The following NTAQ1 variants were observed in gnomAD, a reference collection of about 807,000 sequenced individuals.
NTAQ1 encodes the protein protein N-terminal glutamine amidohydrolase.
Under a neutral mutation model 28.2 loss-of-function variants are expected in NTAQ1, and 21 were observed. The ratio of observed to expected loss-of-function variants is 0.74; its 90% CI spans 0.53 to 1.07. NTAQ1 has a LOEUF of 1.07. NTAQ1 is among the 50% of genes least tolerant of loss of function. The probability of loss-of-function intolerance (pLI) is 0.00; values close to 1 mark genes in which losing one functional copy is unlikely to be tolerated. For synonymous variants in NTAQ1, 105 were observed against 90.0 expected, an observed-to-expected ratio of 1.17 and a Z score of -0.94; for missense variants, 264 against 256.6, an observed-to-expected ratio of 1.03 and a Z score of -0.20.
downstream of NTAQ1, among the ~76,000 whole-genome samples, chr8:123,472,395 TA>T (rs1816050747): frequency 6.6e-6 from 1 of 152,170 alleles, no homozygotes; most frequent in African/African-American, 2.4e-5. Flanking sequence ...AAAGCAACAG[TA>T]ATATATTGTC....
At chr8:123,433,824 C>T (rs974016302) in intron 3 of NTAQ1, among the ~76,000 whole-genome samples, 1 of 152,198 alleles carries the variant, frequency 6.6e-6, no homozygotes, top group South Asian at 2.1e-4. Flanking sequence ...CCAAGCTTGT[C>T]TAACCTGCAG....
intron 6 of NTAQ1, among the ~76,000 whole-genome samples, chr8:123,458,872 G>A (rs535420002): frequency 2.9e-4 from 44 of 152,080 alleles, no homozygotes; most frequent in African/African-American, 9.6e-4. Flanking sequence ...CACCCGCCTC[G>A]GCCTCCCAAA....
At position 123,461,719 on chromosome 8, in the gene NTAQ1, G is replaced by A. The variant is rs112686377; in HGVS notation, c.373-5360G>A. ...TATATTCAAGAACAGCAGGAACTGTGTCTTTCAGCGAGTAGATGCTTAATA... is the reference window on the plus strand; with the variant it reads ...TATATTCAAGAACAGCAGGAACTGTATCTTTCAGCGAGTAGATGCTTAATA... On this transcript the variant is annotated intron_variant, in intron 6 of 6. Coordinates refer to the NTAQ1 transcript ENST00000650311. 3.1e-3 allele frequency among the ~76,000 whole-genome samples: 468 copies of A among 152,298 alleles called. 1 individual carries two copies. The highest frequency in any genetic ancestry group is 0.011 in the African/African-American group (446 of 41,560).
In NTAQ1 at chr8:123,416,774, A is replaced by G; in HGVS notation, c.-76A>G. The G allele has an allele frequency of 7.7e-7, 1 of 1,303,246 alleles. No individual in the cohort carries two copies. Among genetic ancestry groups the G allele is most frequent in the Non-Finnish European group, 1.0e-6 (1 of 1,004,298 alleles). 80.7% of individuals were successfully genotyped at this position (1,303,246 alleles called of 1,614,324 possible). On this transcript the variant is annotated 5_prime_UTR_variant, in exon 1 of 6. Transcript: ENST00000287387. ...CCCACGCCGGGAACCCACGCGGGCCACTACAAGCCCGCCCTTTCCTACGTC... is the reference window on the plus strand; with the variant it reads ...CCCACGCCGGGAACCCACGCGGGCCGCTACAAGCCCGCCCTTTCCTACGTC...
At chr8:123,421,170 AC>A (rs1813665574) in intron 1 of NTAQ1, among the ~76,000 whole-genome samples, 4 of 151,366 alleles carry the variant, frequency 2.6e-5, no homozygotes, top group Admixed American at 2.0e-4. Context: ...TGCAGCCTCG[AC>A]CTGGTGTCAA....
chr8:123,467,692 G>C (rs1248177624), exon 7 of NTAQ1, among the ~76,000 whole-genome samples: 1 of 152,206 alleles, frequency 6.6e-6, no homozygotes, highest in Non-Finnish European at 1.5e-5. Context: ...AAGAAAGGGA[G>C]AGGCAAGGGC....
downstream of NTAQ1, among the ~76,000 whole-genome samples, chr8:123,451,980 C>G (rs1390115975): frequency 6.6e-6 from 1 of 152,204 alleles, no homozygotes; most frequent in African/African-American, 2.4e-5. Flanking sequence ...CCTACTCTTC[C>G]ACCTTTTGGT....
downstream of NTAQ1, among the ~76,000 whole-genome samples, chr8:123,472,094 G>A (rs1816047870): frequency 6.6e-6 from 1 of 152,188 alleles, no homozygotes; most frequent in Non-Finnish European, 1.5e-5. Context: ...GGCTGGCAGA[G>A]GCTATTTTCC....
At chr8:123,429,904 CT>C in intron 2 of NTAQ1, 78 bp from the exon 3 acceptor site, 1 of 742,538 alleles carries the variant, frequency 1.3e-6, no homozygotes, top group Non-Finnish European at 1.9e-6. Flanking sequence ...AAAATCCCGT[CT>C]CAAAAAAAAA....
At chr8:123,454,889 A>T (rs1449544877) in intron 6 of NTAQ1, 1 of 152,350 alleles carries the variant, frequency 6.6e-6, no homozygotes, top group Non-Finnish European at 1.5e-5. Flanking sequence ...TGTGATCAGA[A>T]GCAATGTGGG....
At chr8:123,431,525 T>TAA (rs1814394022) in intron 3 of NTAQ1, among the ~76,000 whole-genome samples, 1 of 152,206 alleles carries the variant, frequency 6.6e-6, no homozygotes, top group South Asian at 2.1e-4. Flanking sequence ...TATGCCAGGC[T>TAA]AAAAACAGAT....
chr8:123,416,760 A>C, upstream of NTAQ1: 1 of 1,240,518 alleles, frequency 8.1e-7, no homozygotes, highest in South Asian at 1.7e-5. Context: ...CCACGCCGGG[A>C]ACCCACGCGG....
At chr8:123,468,332 C>G (rs1279052075) in exon 7 of NTAQ1, among the ~76,000 whole-genome samples, 1 of 152,192 alleles carries the variant, frequency 6.6e-6, no homozygotes, top group African/African-American at 2.4e-5. Context: ...TTTCATCTTG[C>G]AAATGGAAAC....
chr8:123,465,538 C>T (rs1815939570), intron 6 of NTAQ1, among the ~76,000 whole-genome samples: 2 of 150,604 alleles, frequency 1.3e-5, no homozygotes, highest in South Asian at 4.2e-4. Context: ...ATAGTACGTA[C>T]CCTTTTGAGA....
At chr8:123,454,357 T>TTTTTG (rs143782536) in intron 6 of NTAQ1, among the ~76,000 whole-genome samples, 43,393 of 150,938 alleles carry the variant, frequency 0.29, 6,823 homozygotes, top group South Asian at 0.44. Context: ...GCAATTTTGT[T>TTTTTG]TTTTGTTTTG....
At chr8:123,450,571 C>T (rs1173858274), downstream of NTAQ1, among the ~76,000 whole-genome samples, 1 of 152,154 alleles carries the variant, frequency 6.6e-6, no homozygotes, top group East Asian at 1.9e-4. Context: ...CCTGTCTGTC[C>T]TCCAGGGCCA....
intron 3 of NTAQ1, chr8:123,435,434 C>G: frequency 1.0e-6 from 1 of 984,048 alleles, no homozygotes; most frequent in Non-Finnish European, 1.2e-6. Flanking sequence ...CCTCCTTCTC[C>G]TCTCCAGGCT....
intron 3 of NTAQ1, among the ~76,000 whole-genome samples, chr8:123,432,058 CT>C (rs1409239947): frequency 6.6e-6 from 1 of 152,196 alleles, no homozygotes; most frequent in African/African-American, 2.4e-5. Flanking sequence ...CCCACACCCT[CT>C]GGCAGGTTTT....
chr8:123,453,153 A>G (rs530164487), intron 6 of NTAQ1, among the ~76,000 whole-genome samples: 1 of 152,326 alleles, frequency 6.6e-6, no homozygotes, highest in African/African-American at 2.4e-5. Flanking sequence ...CAAGGCCCAC[A>G]GGATGCAGAG....
Sources: gnomAD v4.1 joint callset for allele counts (sites outside exome capture counted in the v4.1 genomes callset) on GRCh38, gnomAD v4.1.1 for gene constraint, MANE v1.5 for transcripts, NCBI Gene and HGNC (gene_info 2026-07-23, HGNC 2026-07-21) for gene names.